Variants in THSD4 observed in about 807,000 individuals in gnomAD.
THSD4 encodes thrombospondin type 1 domain containing 4.
THSD4 carries 69 observed loss-of-function variants against 119.0 expected under a neutral mutation model. That is an observed-to-expected ratio of 0.58 (90% confidence interval 0.48 to 0.71). The LOEUF is 0.71. THSD4 is among the 30% of genes least tolerant of loss of function. THSD4 has a pLI of 0.00. For missense variants in THSD4, 1,393 were observed against 1,391.1 expected (o/e 1.00, Z -0.02); for synonymous variants, 524 against 540.4 (o/e 0.97, Z 0.42).
At chr15:71,263,614 T>C (rs1036841168) in intron 6 of THSD4, among the ~76,000 whole-genome samples, 1 of 151,912 alleles carries the variant, frequency 6.6e-6, no homozygotes, top group Non-Finnish European at 1.5e-5. Flanking sequence ...CCACCAACAG[T>C]GTATAAGTGT....
chr15:71,384,818 T>G (rs2046275602), intron 6 of THSD4, among the ~76,000 whole-genome samples: 1 of 152,186 alleles, frequency 6.6e-6, no homozygotes, highest in Non-Finnish European at 1.5e-5. Flanking sequence ...TACTAATACA[T>G]GTAAAGGTAG....
At chr15:71,313,308 G>A (rs1039331165) in intron 6 of THSD4, among the ~76,000 whole-genome samples, 1 of 152,200 alleles carries the variant, frequency 6.6e-6, no homozygotes, top group African/African-American at 2.4e-5. Flanking sequence ...TCACATATGT[G>A]TGTGTGTGCA....
intron 7 of THSD4, among the ~76,000 whole-genome samples, chr15:71,481,720 T>C (rs2047733124): frequency 6.6e-6 from 1 of 152,172 alleles, no homozygotes; most frequent in Admixed American, 6.5e-5. Flanking sequence ...ACGTATATGC[T>C]CATAGTTGGA....
chr15:71,414,024 G>T (rs1028373737), intron 7 of THSD4, among the ~76,000 whole-genome samples: 1 of 152,228 alleles, frequency 6.6e-6, no homozygotes, highest in Non-Finnish European at 1.5e-5. Flanking sequence ...GAGGAATGGT[G>T]AATGTAATGG....
At chr15:71,408,063 T>G (rs2046631695) in intron 6 of THSD4, among the ~76,000 whole-genome samples, 1 of 152,122 alleles carries the variant, frequency 6.6e-6, no homozygotes, top group Non-Finnish European at 1.5e-5. Flanking sequence ...GCTCCCAGCT[T>G]GTGGCAACCC....
chr15:71,327,355 C>T (rs1185467146), intron 6 of THSD4, among the ~76,000 whole-genome samples: 1 of 152,176 alleles, frequency 6.6e-6, no homozygotes, highest in Non-Finnish European at 1.5e-5. Flanking sequence ...CCTTAGCCGC[C>T]TTCCACCAGG....
At chr15:71,282,592 CCA>C (rs1158933460) in intron 6 of THSD4, among the ~76,000 whole-genome samples, 10 of 152,076 alleles carry the variant, frequency 6.6e-5, no homozygotes. Context: ...AGGCCAACAC[CCA>C]CAGTTAACCC....
chr15:71,502,645 G>T (rs1021395175), intron 7 of THSD4, among the ~76,000 whole-genome samples: 1 of 152,066 alleles, frequency 6.6e-6, no homozygotes, highest in African/African-American at 2.4e-5. Flanking sequence ...CATAAAAGAC[G>T]CAAAACAGTT....
intron 1 of THSD4, among the ~76,000 whole-genome samples, chr15:71,131,211 G>A (rs1425842153): frequency 6.6e-6 from 1 of 152,236 alleles, no homozygotes; most frequent in East Asian, 1.9e-4. Context: ...GTTTTTGTGT[G>A]TGTAGGTTTG....
intron 17 of THSD4, among the ~76,000 whole-genome samples, chr15:71,774,714 T>A (rs2053883290): frequency 6.6e-6 from 1 of 151,484 alleles, no homozygotes; most frequent in Admixed American, 6.6e-5. Context: ...GAACCCGAAC[T>A]GTGGCTGCCC....
intron 1 of THSD4, among the ~76,000 whole-genome samples, chr15:71,098,438 T>A (rs1354037253): frequency 1.3e-5 from 2 of 152,088 alleles, no homozygotes; most frequent in Non-Finnish European, 2.9e-5. Flanking sequence ...ATAATTTGTG[T>A]ATTTTTGTAG....
Position 71,730,752 on chromosome 15 carries a change from A to G in THSD4, c.1534-369A>G, listed in dbSNP as rs2052961136. On this transcript the variant is annotated intron_variant, in intron 9 of 17. Coordinates refer to ENST00000261862, the MANE Select transcript of THSD4 (RefSeq NM_024817.3). ...GACTTTGTCACGCCACCTAGTGTTAAAACAGTTCTCCTGCAGTGTACACGT... is the reference window on the plus strand; with the variant it reads ...GACTTTGTCACGCCACCTAGTGTTAGAACAGTTCTCCTGCAGTGTACACGT... 3 of 186,272 alleles carry G rather than the reference A, an allele frequency of 1.6e-5. No individual in the cohort carries two copies. In the South Asian group the frequency reaches 3.5e-4, roughly 22 times the overall value. The allele number at this position is 186,272 out of a possible 1,614,324, so 11.5% of individuals were successfully genotyped here.
At chr15:71,103,408 A>C (rs1266755308) in intron 1 of THSD4, among the ~76,000 whole-genome samples, 1 of 152,088 alleles carries the variant, frequency 6.6e-6, no homozygotes. Flanking sequence ...CCCAGGAGCT[A>C]AAACATAAGT....
chr15:71,743,202 G>T (rs568854000), intron 11 of THSD4, among the ~76,000 whole-genome samples: 1 of 152,178 alleles, frequency 6.6e-6, no homozygotes, highest in Non-Finnish European at 1.5e-5. Context: ...GTGGCCAGGT[G>T]CTGGACAACC....
At chr15:71,733,588 T>C (rs920612631) in intron 10 of THSD4, 4 of 152,058 alleles carry the variant, frequency 2.6e-5, no homozygotes, top group Non-Finnish European at 4.4e-5. Flanking sequence ...TTTTAAACCA[T>C]GAAGCATAAT....
At chr15:71,306,089 C>T (rs957094850) in intron 6 of THSD4, among the ~76,000 whole-genome samples, 6 of 151,966 alleles carry the variant, frequency 3.9e-5, no homozygotes, top group African/African-American at 1.2e-4. Flanking sequence ...GGGCAGATCA[C>T]GAGGTCAGGA....
At chr15:71,611,171 A>G (rs750971989) in intron 7 of THSD4, among the ~76,000 whole-genome samples, 1 of 152,224 alleles carries the variant, frequency 6.6e-6, no homozygotes, top group Non-Finnish European at 1.5e-5. Flanking sequence ...GCAGTTGTGC[A>G]ATCAGTAAGT....
At chr15:71,364,695 A>G (rs1405023449) in intron 6 of THSD4, among the ~76,000 whole-genome samples, 2 of 152,236 alleles carry the variant, frequency 1.3e-5, no homozygotes, top group Admixed American at 6.5e-5. Flanking sequence ...TAGTACGCAC[A>G]TAGTTTAGTT....
At chr15:71,529,698 G>T (rs1242358988) in intron 7 of THSD4, among the ~76,000 whole-genome samples, 2 of 152,164 alleles carry the variant, frequency 1.3e-5, no homozygotes, top group Non-Finnish European at 2.9e-5. Flanking sequence ...AATCATCAAA[G>T]ATTTGTCTAA....
Sources: allele counts gnomAD v4.1 joint callset (sites outside exome capture counted in the v4.1 genomes callset), GRCh38; gene constraint gnomAD v4.1.1; transcripts MANE v1.5; gene names NCBI Gene and HGNC (gene_info 2026-07-23, HGNC 2026-07-21).